PCDHGA1: variants seen among roughly 807,000 people sequenced by gnomAD.
PCDHGA1 encodes protocadherin gamma subfamily A, 1, also known as protocadherin gamma-A1.
PCDHGA1 carries 32 observed loss-of-function variants against 58.0 expected under a neutral mutation model. The observed-to-expected ratio is 0.55, with a 90% CI of 0.42 to 0.74. PCDHGA1 has a LOEUF of 0.74. Ranked by LOEUF, PCDHGA1 falls within the 30% of genes least tolerant of loss-of-function variation. The probability of loss-of-function intolerance (pLI) is 0.00; values close to 1 mark genes in which losing one functional copy is unlikely to be tolerated. For synonymous variants in PCDHGA1, 498 were observed against 501.1 expected (o/e 0.99, Z 0.08); for missense variants, 1,205 against 1,182.3 (o/e 1.02, Z -0.28).
chr5:141,372,402 G>C, intron 1 of PCDHGA1: 1 of 1,614,058 alleles, frequency 6.2e-7, no homozygotes, highest in Non-Finnish European at 8.5e-7. Context: ...TAGCTTGCAA[G>C]AGATACAACC....
At chr5:141,415,359 G>C in intron 1 of PCDHGA1, 2 of 1,614,246 alleles carry the variant, frequency 1.2e-6, no homozygotes, top group Non-Finnish European at 1.7e-6. Flanking sequence ...AGTCACGCCT[G>C]CTGCAGGCTT....
chr5:141,509,979 T>C (rs908103989), intron 3 of PCDHGA1, among the ~76,000 whole-genome samples: 4 of 152,204 alleles, frequency 2.6e-5, no homozygotes, highest in African/African-American at 7.2e-5. Context: ...CTTCTAACAC[T>C]TGGTTCCCTC....
At chr5:141,392,893 G>A (rs1281523592) in intron 1 of PCDHGA1, 10 of 1,613,662 alleles carry the variant, frequency 6.2e-6, no homozygotes, top group African/African-American at 2.7e-5. Flanking sequence ...TGGGAAATCG[G>A]GAGGGGACAG....
chr5:141,384,742 G>A (rs1477575254), intron 1 of PCDHGA1: 1 of 1,613,976 alleles, frequency 6.2e-7, no homozygotes, highest in African/African-American at 1.3e-5. Flanking sequence ...CAGCGAGCCA[G>A]GACTCTTTGC....
chr5:141,383,159 C>A (rs769758778), intron 1 of PCDHGA1: 8 of 1,614,104 alleles, frequency 5.0e-6, no homozygotes, highest in Non-Finnish European at 5.9e-6. Context: ...TTGGTCACTG[C>A]GGGCAGGATA....
At chr5:141,424,748 A>G (rs1218712198) in intron 1 of PCDHGA1, 3 of 152,034 alleles carry the variant, frequency 2.0e-5, no homozygotes, top group African/African-American at 4.8e-5. Flanking sequence ...TTCTTTCTTT[A>G]TAAGGTCATT....
At chr5:141,428,004 G>A in intron 1 of PCDHGA1, 1 of 1,601,732 alleles carries the variant, frequency 6.2e-7, no homozygotes, top group Non-Finnish European at 8.5e-7. Flanking sequence ...CGCACTCTTC[G>A]ATATAGTGCC....
At chr5:141,389,998 T>C (rs755639909) in intron 1 of PCDHGA1, 1 of 1,614,046 alleles carries the variant, frequency 6.2e-7, no homozygotes, top group East Asian at 2.2e-5. Context: ...CTCGTGGCCA[T>C]GATTCTGGCC....
intron 1 of PCDHGA1, chr5:141,415,337 G>A: frequency 1.2e-6 from 2 of 1,614,210 alleles, no homozygotes; most frequent in Non-Finnish European, 1.7e-6. Flanking sequence ...CACAGGCTGC[G>A]GCGCTGGCAC....
At chr5:141,478,759 A>G in intron 1 of PCDHGA1, 2 of 1,514,800 alleles carry the variant, frequency 1.3e-6, no homozygotes, top group African/African-American at 1.4e-5. Flanking sequence ...GGGGGAAGAT[A>G]CTTGACTCAT....
intron 1 of PCDHGA1, among the ~76,000 whole-genome samples, chr5:141,450,899 A>G (rs1045595271): frequency 1.0e-4 from 15 of 149,514 alleles, no homozygotes; most frequent in African/African-American, 3.7e-4. Context: ...ATATCGGCTC[A>G]CTGCAACCGC....
At chr5:141,414,781 G>A (rs755811755) in intron 1 of PCDHGA1, 1 of 1,614,230 alleles carries the variant, frequency 6.2e-7, no homozygotes, top group Admixed American at 1.7e-5. Context: ...ACAGATGCAG[G>A]TGACAGCCAG....
At chr5:141,377,979 G>A (rs887213407) in intron 1 of PCDHGA1, 1 of 152,086 alleles carries the variant, frequency 6.6e-6, no homozygotes, top group African/African-American at 2.4e-5. Context: ...ATGTTCCTGG[G>A]TTGCAATCCT....
chr5:141,488,292 G>A (rs961688781), intron 1 of PCDHGA1, among the ~76,000 whole-genome samples: 1 of 152,216 alleles, frequency 6.6e-6, no homozygotes, highest in African/African-American at 2.4e-5. Flanking sequence ...AAAACAGTAA[G>A]TGAAATCACT....
intron 1 of PCDHGA1, chr5:141,341,014 C>T (rs760848741): frequency 7.4e-6 from 12 of 1,614,112 alleles, no homozygotes; most frequent in South Asian, 3.3e-5. Context: ...TCGAGCCCTC[C>T]GCCATACCCA....
At chr5:141,386,997 C>T (rs1001565782) in intron 1 of PCDHGA1, among the ~76,000 whole-genome samples, 2 of 152,070 alleles carry the variant, frequency 1.3e-5, no homozygotes, top group African/African-American at 4.8e-5. Context: ...ATGTATTATC[C>T]CCCTGATAAC....
In PCDHGA1 at chr5:141,491,533, C is replaced by G. The variant is rs758270791; in HGVS notation, c.2422-3274C>G. 4.3e-6 allele frequency: 7 copies of G among 1,614,010 alleles called. No homozygotes were observed. The highest frequency in any genetic ancestry group is 5.1e-6 in the Non-Finnish European group (6 of 1,180,028). ...GCTCAAGTACATGGAGGTGACGCTGCGGCCCACAGACTCGCAGAGCCACTG... is the reference window on the plus strand; with the variant it reads ...GCTCAAGTACATGGAGGTGACGCTGGGGCCCACAGACTCGCAGAGCCACTG... On this transcript the variant is annotated intron_variant, in intron 1 of 3. Transcript: ENST00000517417. The surrounding 1 kb of genome is among the most constrained non-coding windows in gnomAD (Gnocchi z 6.9).
At chr5:141,340,963 G>C (rs898233139) in intron 1 of PCDHGA1, 63 of 1,613,898 alleles carry the variant, frequency 3.9e-5, no homozygotes, top group Non-Finnish European at 5.3e-5. Flanking sequence ...CCGTGGCCGT[G>C]GCCGACAGGA....
At chr5:141,444,599 A>G (rs373366708) in intron 1 of PCDHGA1, among the ~76,000 whole-genome samples, 2 of 152,108 alleles carry the variant, frequency 1.3e-5, no homozygotes, top group African/African-American at 2.4e-5. Flanking sequence ...CCTTATTTAA[A>G]ATTGATTTTT....
Sources: gnomAD v4.1 joint callset for allele counts (sites outside exome capture counted in the v4.1 genomes callset) on GRCh38, gnomAD v4.1.1 for gene constraint, Gnocchi (gnomAD v3.1) non-coding constraint, MANE v1.5 for transcripts, NCBI Gene and HGNC (gene_info 2026-07-23, HGNC 2026-07-21) for gene names.